RIMS1: variants seen among roughly 807,000 people sequenced by gnomAD.
RIMS1 encodes the protein regulating synaptic membrane exocytosis protein 1.
In RIMS1, 83 loss-of-function variants were observed where a neutral mutation model predicts 214.1. The observed-to-expected ratio is 0.39, with a 90% CI of 0.32 to 0.47. RIMS1 has a LOEUF of 0.47. Among genes scored for constraint, RIMS1 ranks in the 20% least tolerant of loss-of-function variants. The pLI is 0.99. For synonymous variants in RIMS1, 793 were observed against 786.8 expected (o/e 1.01, Z -0.13); for missense variants, 2,050 against 2,161.8 (o/e 0.95, Z 1.03).
chr6:71,902,066 A>G (rs757732991), intron 1 of RIMS1, among the ~76,000 whole-genome samples: 2 of 152,142 alleles, frequency 1.3e-5, no homozygotes, highest in Non-Finnish European at 2.9e-5. Flanking sequence ...TTTCTTTAAG[A>G]TAGAATTTAA....
chr6:72,210,603 A>G (rs898728472), intron 6 of RIMS1, among the ~76,000 whole-genome samples: 3 of 152,238 alleles, frequency 2.0e-5, no homozygotes, highest in Admixed American at 6.5e-5. Flanking sequence ...CAAACTGCCA[A>G]GAACACAGCC....
intron 19 of RIMS1, chr6:72,263,323 T>G (rs1227983578): frequency 4.1e-6 from 4 of 985,192 alleles, no homozygotes; most frequent in Non-Finnish European, 4.8e-6. Context: ...AATGCTATAG[T>G]TGCCTTACTG....
At chr6:71,889,950 C>G (rs886441473) in intron 1 of RIMS1, among the ~76,000 whole-genome samples, 2 of 152,146 alleles carry the variant, frequency 1.3e-5, no homozygotes, top group African/African-American at 4.8e-5. Context: ...TTAAAATTCA[C>G]TTGTGTTATT....
chr6:72,032,138 G>A (rs1282126049), intron 2 of RIMS1, among the ~76,000 whole-genome samples: 1 of 152,006 alleles, frequency 6.6e-6, no homozygotes, highest in African/African-American at 2.4e-5. Context: ...GTGTGTGTGT[G>A]TAGGGGTGTG....
chr6:72,261,109 C>T (rs2077781231), intron 19 of RIMS1: 1 of 1,187,130 alleles, frequency 8.4e-7, no homozygotes, highest in Non-Finnish European at 1.1e-6. Context: ...ATATTCCTGT[C>T]TAGTCACAAG....
intron 6 of RIMS1, among the ~76,000 whole-genome samples, chr6:72,230,115 GAA>G (rs1380498417): frequency 3.3e-5 from 5 of 151,930 alleles, no homozygotes; most frequent in African/African-American, 1.2e-4. Context: ...TTTGGTCTGT[GAA>G]GTTTACATTT....
intron 29 of RIMS1, among the ~76,000 whole-genome samples, chr6:72,341,406 C>T (rs1182784833): frequency 6.6e-6 from 1 of 151,734 alleles, no homozygotes; most frequent in Non-Finnish European, 1.5e-5. Flanking sequence ...CAGTGGTTAC[C>T]TCATCTCAGG....
intron 2 of RIMS1, among the ~76,000 whole-genome samples, chr6:72,006,796 G>C (rs897950630): frequency 1.3e-5 from 2 of 152,220 alleles, no homozygotes; most frequent in Admixed American, 6.5e-5. Flanking sequence ...TGCCATTGCT[G>C]AGGTTTGAGT....
At chr6:71,897,669 T>C (rs1161993479) in intron 1 of RIMS1, among the ~76,000 whole-genome samples, 1 of 152,288 alleles carries the variant, frequency 6.6e-6, no homozygotes. Flanking sequence ...ATTGTTTTAT[T>C]TGATTTTTCT....
chr6:72,307,618 G>A (rs902384617), intron 27 of RIMS1, among the ~76,000 whole-genome samples: 1 of 152,002 alleles, frequency 6.6e-6, no homozygotes, highest in Non-Finnish European at 1.5e-5. Flanking sequence ...AGCCGGGCGT[G>A]CGCCTGTAAT....
At chr6:72,013,278 C>CA (rs1355471734) in intron 2 of RIMS1, among the ~76,000 whole-genome samples, 2 of 152,078 alleles carry the variant, frequency 1.3e-5, no homozygotes, top group Non-Finnish European at 2.9e-5. Flanking sequence ...AAAAAAACAG[C>CA]AATATAATTT....
chr6:72,129,316 A>G (rs1053389595), intron 4 of RIMS1, among the ~76,000 whole-genome samples: 1 of 152,158 alleles, frequency 6.6e-6, no homozygotes, highest in Non-Finnish European at 1.5e-5. Flanking sequence ...ATTTCACTAT[A>G]TAGAGAATTA....
chr6:71,974,309 G>T (rs1169961180), intron 2 of RIMS1, among the ~76,000 whole-genome samples: 2 of 152,186 alleles, frequency 1.3e-5, no homozygotes, highest in East Asian at 3.9e-4. Flanking sequence ...GTGTGGGCAT[G>T]CGTATAGGTG....
Position 72,179,828 on chromosome 6 carries a change from G to C in RIMS1, c.725G>C (p.Ser242Thr). 6.2e-7 allele frequency: 1 copy of C among 1,612,974 alleles called. No homozygotes were observed. The highest frequency in any genetic ancestry group is 8.5e-7 in the Non-Finnish European group (1 of 1,179,304). ...AAPPSAPPDR[S>T]KGAEPSQQAL... ...CCTCCCAGCGCACCACCAGACAGGA[G>C]CAAAGGGGCTGAGCCCTCGCAGCAA... Residue 242 changes from serine to threonine, a missense_variant, in exon 5 of 34, where the codon AGC (serine) becomes ACC (threonine). Around this residue, in one of 6 missense-constraint regions of RIMS1, gnomAD observed 882 missense variants for 828.9 expected, o/e 1.06. Coordinates refer to ENST00000521978, the MANE Select transcript of RIMS1 (RefSeq NM_014989.7).
At chr6:71,970,944 G>A (rs1180861995) in intron 2 of RIMS1, among the ~76,000 whole-genome samples, 1 of 152,142 alleles carries the variant, frequency 6.6e-6, no homozygotes, top group Non-Finnish European at 1.5e-5. Flanking sequence ...TTATAGATCA[G>A]TATTTTTAAA....
intron 4 of RIMS1, among the ~76,000 whole-genome samples, chr6:72,128,347 CTG>C (rs1030223968): frequency 2.0e-5 from 3 of 152,234 alleles, no homozygotes; most frequent in Non-Finnish European, 2.9e-5. Flanking sequence ...AGAAGGAAAA[CTG>C]TCTCTTCCTC....
intron 4 of RIMS1, 46 bp downstream of exon 4, chr6:72,100,032 G>A: frequency 6.7e-7 from 1 of 1,497,464 alleles, no homozygotes; most frequent in Non-Finnish European, 9.3e-7. Context: ...TTGTATTGTT[G>A]TGAACTTTAT....
intron 2 of RIMS1, among the ~76,000 whole-genome samples, chr6:72,047,922 C>A (rs758126798): frequency 3.3e-5 from 5 of 152,092 alleles, no homozygotes; most frequent in Non-Finnish European, 5.9e-5. Context: ...TTCTATTATT[C>A]CAGTTAGTAA....
At chr6:72,097,726 A>C (rs191306496) in intron 3 of RIMS1, among the ~76,000 whole-genome samples, 1 of 152,184 alleles carries the variant, frequency 6.6e-6, no homozygotes, top group African/African-American at 2.4e-5. Flanking sequence ...TTTCTTCTCT[A>C]TAAGATATAT....
Sources: gnomAD v4.1 joint callset for allele counts (sites outside exome capture counted in the v4.1 genomes callset) on GRCh38, gnomAD v4.1.1 for gene constraint, gnomAD v4.1.1 regional missense constraint, MANE v1.5 for transcripts, NCBI Gene and HGNC (gene_info 2026-07-23, HGNC 2026-07-21) for gene names.